PTPRD: variants seen among roughly 807,000 people sequenced by gnomAD.
The protein encoded by PTPRD is receptor-type tyrosine-protein phosphatase delta.
A neutral mutation model predicts 214.5 loss-of-function variants in PTPRD; 34 were observed. The ratio of observed to expected loss-of-function variants is 0.16; its 90% CI spans 0.12 to 0.21. The LOEUF is 0.21. PTPRD is among the 10% of genes least tolerant of loss of function. The probability of loss-of-function intolerance (pLI) is 1.00; values close to 1 mark genes in which losing one functional copy is unlikely to be tolerated. For synonymous variants in PTPRD, 1,128 were observed against 845.7 expected, an observed-to-expected ratio of 1.33 and a Z score of -5.79; for missense variants, 2,545 against 2,398.7, an observed-to-expected ratio of 1.06 and a Z score of -1.27.
chr9:9,118,748 A>G (rs1299080531), intron 10 of PTPRD, among the ~76,000 whole-genome samples: 2 of 152,216 alleles, frequency 1.3e-5, no homozygotes, highest in Non-Finnish European at 2.9e-5. Flanking sequence ...AGTGAGCTCA[A>G]TATACCCTGC....
At chr9:10,113,014 C>G (rs1200762885) in intron 3 of PTPRD, among the ~76,000 whole-genome samples, 1 of 152,230 alleles carries the variant, frequency 6.6e-6, no homozygotes, top group Non-Finnish European at 1.5e-5. Context: ...AGGCTTGACT[C>G]TGCCAACGCC....
intron 23 of PTPRD, 66 bp from the exon 24 acceptor site, chr9:8,501,125 G>A (rs2097395998): frequency 8.1e-7 from 1 of 1,238,764 alleles, no homozygotes; most frequent in African/African-American, 1.5e-5. Context: ...AAAAAAAAAT[G>A]ATAAAACAAA....
chr9:10,003,378 C>A (rs1342225326), intron 4 of PTPRD, among the ~76,000 whole-genome samples: 1 of 151,544 alleles, frequency 6.6e-6, no homozygotes, highest in African/African-American at 2.4e-5. Context: ...ACCATAGACT[C>A]AAAATTACAT....
chr9:9,270,591 G>A (rs941040924), intron 9 of PTPRD, among the ~76,000 whole-genome samples: 4 of 151,292 alleles, frequency 2.6e-5, no homozygotes, highest in African/African-American at 9.7e-5. Context: ...GATCAGGTCA[G>A]GGCAAGGATT....
At chr9:9,543,104 C>T (rs1364136539) in intron 8 of PTPRD, among the ~76,000 whole-genome samples, 2 of 151,472 alleles carry the variant, frequency 1.3e-5, no homozygotes, top group East Asian at 1.9e-4. Context: ...ATTCATACAA[C>T]GAAATACCGC....
At chr9:10,451,752 A>G (rs1405982137) in intron 2 of PTPRD, among the ~76,000 whole-genome samples, 1 of 150,252 alleles carries the variant, frequency 6.7e-6, no homozygotes, top group Non-Finnish European at 1.5e-5. Context: ...GTGTTTTTCA[A>G]TTAGAAATTA....
intron 11 of PTPRD, among the ~76,000 whole-genome samples, chr9:9,018,000 C>T (rs983889107): frequency 1.3e-5 from 2 of 152,068 alleles, no homozygotes; most frequent in African/African-American, 2.4e-5. Context: ...CAATGAAGTG[C>T]AAGTATATGT....
intron 14 of PTPRD, among the ~76,000 whole-genome samples, chr9:8,574,786 C>A (rs563190386): frequency 3.3e-5 from 5 of 152,062 alleles, no homozygotes; most frequent in African/African-American, 1.2e-4. Flanking sequence ...TAGTTAATTG[C>A]CAATCCCATT....
rs754933282 is a variant in PTPRD, at chr9:10,562,415, GTA to G, written c.-600+49981_-600+49982del. ...AAAAGCTCTTTGAGAAAACTGTTCTGTATGTTTGTCTGTTTTGTTAAGGGAAG... is the reference window on the plus strand; with the variant it reads ...AAAAGCTCTTTGAGAAAACTGTTCTGTGTTTGTCTGTTTTGTTAAGGGAAG... On this transcript the variant is annotated intron_variant, in intron 2 of 45. Coordinates refer to ENST00000381196, the MANE Select transcript of PTPRD (RefSeq NM_002839.4). 9.9e-5 allele frequency among the ~76,000 whole-genome samples: 15 copies of G among 151,460 alleles called. No homozygotes were observed. In the East Asian group the frequency reaches 2.3e-3, roughly 23 times the overall value.
chr9:9,652,181 A>C (rs2096377988), intron 7 of PTPRD, among the ~76,000 whole-genome samples: 1 of 152,032 alleles, frequency 6.6e-6, no homozygotes, highest in South Asian at 2.1e-4. Flanking sequence ...GTCATGCCTC[A>C]AAGCCTTTCT....
intron 11 of PTPRD, among the ~76,000 whole-genome samples, chr9:8,928,961 TGA>T (rs1221142682): frequency 6.6e-6 from 1 of 152,204 alleles, no homozygotes; most frequent in East Asian, 1.9e-4. Flanking sequence ...CAATTGTGAA[TGA>T]GAGTTCACTC....
chr9:10,553,293 T>C (rs919091130), intron 2 of PTPRD, among the ~76,000 whole-genome samples: 1 of 152,074 alleles, frequency 6.6e-6, no homozygotes, highest in Non-Finnish European at 1.5e-5. Context: ...CTGAAACTTT[T>C]GTGATTATGC....
chr9:9,589,332 T>A (rs920578074), intron 7 of PTPRD, among the ~76,000 whole-genome samples: 1 of 151,936 alleles, frequency 6.6e-6, no homozygotes, highest in African/African-American at 2.4e-5. Flanking sequence ...ATTTTTTTTT[T>A]CATTTATTTA....
intron 11 of PTPRD, among the ~76,000 whole-genome samples, chr9:8,985,525 T>A (rs888762141): frequency 6.6e-6 from 1 of 152,014 alleles, no homozygotes; most frequent in African/African-American, 2.4e-5. Context: ...AAGAGTTTAA[T>A]CTTCCAACAA....
At chr9:9,769,755 C>T (rs200889822) in intron 5 of PTPRD, among the ~76,000 whole-genome samples, 1 of 152,046 alleles carries the variant, frequency 6.6e-6, no homozygotes, top group African/African-American at 2.4e-5. Context: ...GCTATCCCTC[C>T]CCTAGCCCCC....
chr9:8,898,871 G>A lies in PTPRD; in HGVS notation c.-104+119826C>T, dbSNP rs1419226958. Among the ~76,000 whole-genome samples the A allele has an allele frequency of 7.9e-5, 12 of 152,206 alleles. No homozygotes were observed. The Middle Eastern group carries it at 0.02, about 259-fold the overall frequency. Reference sequence around the variant, plus strand: ...TAGATTTTATTTTTTAACAAGACATGTTTGTTTTATATATAAAAAGACTAT... The same window carrying A: ...TAGATTTTATTTTTTAACAAGACATATTTGTTTTATATATAAAAAGACTAT... On this transcript the variant is annotated intron_variant, in intron 11 of 45. Transcript: ENST00000381196.
At chr9:9,191,833 T>C (rs1302802882) in intron 9 of PTPRD, among the ~76,000 whole-genome samples, 4 of 152,112 alleles carry the variant, frequency 2.6e-5, no homozygotes, top group Admixed American at 2.0e-4. Flanking sequence ...ATTAAACATA[T>C]ACTATTAATA....
intron 7 of PTPRD, among the ~76,000 whole-genome samples, chr9:9,605,284 T>C (rs1019717631): frequency 2.6e-5 from 4 of 152,178 alleles, no homozygotes; most frequent in Admixed American, 6.5e-5. Flanking sequence ...TCTGCTATGA[T>C]TGAAACATGT....
intron 25 of PTPRD, among the ~76,000 whole-genome samples, chr9:8,497,828 G>C (rs182903477): frequency 1.3e-5 from 2 of 152,080 alleles, no homozygotes; most frequent in Non-Finnish European, 2.9e-5. Flanking sequence ...ATATAATTTC[G>C]TTAACTACCA....
Sources: allele counts gnomAD v4.1 joint callset (sites outside exome capture counted in the v4.1 genomes callset), GRCh38; gene constraint gnomAD v4.1.1; transcripts MANE v1.5; gene names NCBI Gene and HGNC (gene_info 2026-07-23, HGNC 2026-07-21).